DISC1: variants seen among roughly 807,000 people sequenced by gnomAD.
DISC1 encodes the protein disrupted in schizophrenia 1 protein.
In DISC1, 57 loss-of-function variants were observed where a neutral mutation model predicts 84.5. That is an observed-to-expected ratio of 0.67 (90% CI 0.55 to 0.84). The LOEUF (loss-of-function observed/expected upper bound fraction) is 0.84. DISC1 is among the 40% of genes least tolerant of loss of function. The pLI is 0.00. For synonymous variants in DISC1, 411 were observed against 415.2 expected (o/e 0.99, Z 0.12); for missense variants, 1,000 against 1,057.8 (o/e 0.95, Z 0.76).
At chr1:231,694,894 T>C (rs941557296) in intron 2 of DISC1, 89 bp downstream of exon 2, 3 of 1,545,746 alleles carry the variant, frequency 1.9e-6, no homozygotes, top group Non-Finnish European at 2.6e-6. Context: ...GGTTCTGGGC[T>C]CAACTGACTT....
At chr1:231,796,866 T>A (rs192749679) in intron 7 of DISC1, among the ~76,000 whole-genome samples, 17 of 152,230 alleles carry the variant, frequency 1.1e-4, no homozygotes, top group Non-Finnish European at 2.2e-4. Context: ...AGACACATGC[T>A]ACCTTGCCCA....
chr1:231,851,795 A>T (rs942179427), intron 9 of DISC1, among the ~76,000 whole-genome samples: 3 of 152,192 alleles, frequency 2.0e-5, no homozygotes, highest in African/African-American at 7.2e-5. Flanking sequence ...AAGAATGAGC[A>T]TTTGAGGAGG....
At chr1:231,950,997 C>A (rs1268370755) in intron 9 of DISC1, among the ~76,000 whole-genome samples, 1 of 152,194 alleles carries the variant, frequency 6.6e-6, no homozygotes, top group Non-Finnish European at 1.5e-5. Context: ...GCAACAGCCA[C>A]ACACCACCCC....
At chr1:231,827,674 G>C (rs1281979659) in intron 9 of DISC1, among the ~76,000 whole-genome samples, 1 of 152,260 alleles carries the variant, frequency 6.6e-6, no homozygotes, top group African/African-American at 2.4e-5. Flanking sequence ...TTCCTGCCCT[G>C]ACTGCTTTGA....
chr1:232,010,824 C>T (rs942383940), intron 11 of DISC1, among the ~76,000 whole-genome samples: 2 of 152,128 alleles, frequency 1.3e-5, no homozygotes, highest in South Asian at 2.1e-4. Context: ...TCGGATTCTT[C>T]GCTGCATCCC....
At chr1:231,656,371 C>T (rs1376250687) in intron 1 of DISC1, among the ~76,000 whole-genome samples, 7 of 152,030 alleles carry the variant, frequency 4.6e-5, no homozygotes, top group African/African-American at 1.4e-4. Context: ...TTTGTATATG[C>T]TTTGTTGACG....
At chr1:232,032,573 C>T (rs538324934) in intron 12 of DISC1, among the ~76,000 whole-genome samples, 28 of 152,094 alleles carry the variant, frequency 1.8e-4, no homozygotes, top group South Asian at 6.2e-4. Flanking sequence ...ATCCCTGCGA[C>T]GTTGTTATAA....
chr1:231,889,735 TC>T (rs766984219), intron 9 of DISC1, among the ~76,000 whole-genome samples: 8 of 152,010 alleles, frequency 5.3e-5, no homozygotes, highest in Non-Finnish European at 8.8e-5. Flanking sequence ...TACACAGTTC[TC>T]CCCCTCTTTT....
intron 9 of DISC1, among the ~76,000 whole-genome samples, chr1:231,850,880 G>A (rs1487162759): frequency 6.6e-6 from 1 of 152,210 alleles, no homozygotes; most frequent in Non-Finnish European, 1.5e-5. Flanking sequence ...GCCTTCAGTA[G>A]AAGTGGGAAC....
intron 9 of DISC1, among the ~76,000 whole-genome samples, chr1:231,885,679 C>T (rs982026895): frequency 2.6e-5 from 4 of 152,054 alleles, no homozygotes; most frequent in Admixed American, 1.3e-4. Flanking sequence ...TGAACCAGTC[C>T]GTGTGTCAGT....
intron 9 of DISC1, among the ~76,000 whole-genome samples, chr1:231,931,173 C>T (rs950384161): frequency 6.6e-6 from 1 of 152,078 alleles, no homozygotes; most frequent in Non-Finnish European, 1.5e-5. Context: ...CAGAGGGGAG[C>T]AGGACCACCT....
intron 8 of DISC1, among the ~76,000 whole-genome samples, chr1:231,806,016 G>T (rs1460020380): frequency 6.6e-6 from 1 of 152,150 alleles, no homozygotes; most frequent in Non-Finnish European, 1.5e-5. Context: ...TTCAGGTCTT[G>T]TTTCTTCATC....
rs1156606721 is a variant in DISC1, at chr1:232,031,487, G to A, written c.2425+4935G>A. Among the ~76,000 whole-genome samples, 1 of 147,992 alleles carries A rather than the reference G, an allele frequency of 6.8e-6. No homozygotes were observed. The highest frequency in any genetic ancestry group is 2.5e-5 in the African/African-American group (1 of 40,414). ...GAGAAGGGAAGGGAGCAAAAGGGAA[G>A]GAAAGAAAGAAAGGAAAGGAAAGGA... On this transcript the variant is annotated intron_variant, in intron 12 of 12. Coordinates refer to ENST00000439617, the MANE Select transcript of DISC1 (RefSeq NM_018662.3). The surrounding 1 kb of genome is among the most constrained non-coding windows in gnomAD (Gnocchi z 4.6).
intron 1 of DISC1, among the ~76,000 whole-genome samples, chr1:231,677,758 C>T (rs562471981): frequency 2.6e-5 from 4 of 152,302 alleles, no homozygotes; most frequent in East Asian, 3.9e-4. Flanking sequence ...GCGGGTGGAT[C>T]GCCTGAGGTC....
At chr1:231,661,291 T>C (rs2061546685) in intron 1 of DISC1, among the ~76,000 whole-genome samples, 2 of 152,148 alleles carry the variant, frequency 1.3e-5, no homozygotes, top group African/African-American at 4.8e-5. Context: ...TTGGCCTATC[T>C]TGCCAGGTTG....
chr1:231,889,435 T>C (rs891566382), intron 9 of DISC1, among the ~76,000 whole-genome samples: 8 of 152,254 alleles, frequency 5.3e-5, no homozygotes, highest in African/African-American at 1.9e-4. Context: ...TAGAGTATCA[T>C]TTTCCAATCA....
chr1:231,945,839 A>G (rs1237722882), intron 9 of DISC1, among the ~76,000 whole-genome samples: 1 of 152,252 alleles, frequency 6.6e-6, no homozygotes, highest in Non-Finnish European at 1.5e-5. Context: ...AAACACCTCT[A>G]TGCAAATGAA....
chr1:231,715,459 C>G (rs949204930), intron 3 of DISC1, among the ~76,000 whole-genome samples: 1 of 152,230 alleles, frequency 6.6e-6, no homozygotes, highest in Non-Finnish European at 1.5e-5. Context: ...CCTCTTGCAA[C>G]AGATTTTCCA....
chr1:231,949,802 A>G (rs1467162334), intron 9 of DISC1, among the ~76,000 whole-genome samples: 1 of 152,224 alleles, frequency 6.6e-6, no homozygotes, highest in Admixed American at 6.5e-5. Context: ...AGGGAAAAGT[A>G]AATTCTTTCC....
Sources: allele counts gnomAD v4.1 joint callset (sites outside exome capture counted in the v4.1 genomes callset), GRCh38; gene constraint gnomAD v4.1.1; non-coding constraint Gnocchi (gnomAD v3.1); transcripts MANE v1.5; gene names NCBI Gene and HGNC (gene_info 2026-07-23, HGNC 2026-07-21).